CIC: variants seen among roughly 807,000 people sequenced by gnomAD.
CIC encodes the protein capicua transcriptional repressor.
CIC carries 18 observed loss-of-function variants against 115.7 expected under a neutral mutation model. The ratio of observed to expected loss-of-function variants is 0.16; its 90% CI spans 0.11 to 0.23. CIC has a LOEUF of 0.23. Among genes scored for constraint, CIC ranks in the 10% least tolerant of loss-of-function variants. The pLI, the probability that CIC is intolerant of heterozygous loss-of-function variation, is 1.00. For synonymous variants in CIC, 1,076 were observed against 923.0 expected, an observed-to-expected ratio of 1.17 and a Z score of -3.01; for missense variants, 2,000 against 2,159.3, an observed-to-expected ratio of 0.93 and a Z score of 1.46.
chr19:42,270,822 G>A lies in CIC; in HGVS notation c.-10-952G>A, dbSNP rs2036756156. On this transcript the variant is annotated intron_variant, in intron 1 of 20. Transcript: ENST00000681038. This position sits in a 1 kb window ranked among gnomAD's most constrained non-coding sequence, Gnocchi z 4.1. ...GTAGCTCTGTGTCCCACTGTGTGATGACGTGTGCGTGCTTCTGTGCGTGTG... is the reference window on the plus strand; with the variant it reads ...GTAGCTCTGTGTCCCACTGTGTGATAACGTGTGCGTGCTTCTGTGCGTGTG... Among the ~76,000 whole-genome samples the A allele has an allele frequency of 6.6e-6, 1 of 152,154 alleles. No individual in the cohort carries two copies. Among genetic ancestry groups the A allele is most frequent in the Admixed American group, 6.5e-5 (1 of 15,282 alleles).
In CIC at chr19:42,291,043, A is replaced by T. The variant is rs967265703; in HGVS notation, c.5002A>T (p.Thr1668Ser). The change falls in exon 11 of 21, where the codon ACT becomes TCT. Residue 1668 changes from threonine (T) to serine (S), a missense_variant. Around this residue, in one of 8 missense-constraint regions of CIC, gnomAD observed 1,466 missense variants for 1,390.4 expected, o/e 1.05. Coordinates refer to ENST00000681038, the MANE Select transcript of CIC (RefSeq NM_001386298.1). Reference sequence around the variant, plus strand: ...GGGCACTGTGGGGAAGGCGCCTGCCACTGTCACTAACCTACTGGTGGGCAC... The same window carrying T: ...GGGCACTGTGGGGAAGGCGCCTGCCTCTGTCACTAACCTACTGGTGGGCAC... ...LLGTVGKAPA[T>S]VTNLLVGTPG... 1 of 1,613,906 alleles carries T rather than the reference A, an allele frequency of 6.2e-7. No homozygotes were observed. Among genetic ancestry groups the T allele is most frequent in the Non-Finnish European group, 8.5e-7 (1 of 1,179,958 alleles).
At position 42,291,069 on chromosome 19, in the gene CIC, C is replaced by G; in HGVS notation, c.5028C>G (p.Thr1676=). The G allele has an allele frequency of 6.2e-7, 1 of 1,613,852 alleles. No homozygotes were observed. The highest frequency in any genetic ancestry group is 8.5e-7 in the Non-Finnish European group (1 of 1,179,914). ...PATVTNLLVG[T]PGYGAPAPPA... is the part of the protein sequence containing the mutation. ...CTGTCACTAACCTACTGGTGGGCAC[C>G]CCGGGGTATGGGGCCCCTGCGCCCC... is the stretch of plus-strand genomic sequence containing the variant. Residue 1676 remains threonine, a synonymous_variant, in exon 11 of 21, where the codon ACC becomes ACG. Coordinates refer to ENST00000681038, the MANE Select transcript of CIC (RefSeq NM_001386298.1).
In CIC at chr19:42,289,944, GCAA is replaced by G. The variant is rs747492076; in HGVS notation, c.4188_4190del (p.Asn1396del). 1.9e-6 allele frequency: 3 copies of G among 1,603,142 alleles called. No homozygotes were observed. The African/African-American group carries it at 4.0e-5, about 21-fold the overall frequency. On this transcript the variant is annotated inframe_deletion, in exon 10 of 21. Coordinates refer to ENST00000681038, the MANE Select transcript of CIC (RefSeq NM_001386298.1). Reference sequence around the variant, plus strand: ...GACAGCTCTGGGGAGGACCCAGAGGGCAACAAGGTGAGGGCTTGGGTCACGGTG... The same window carrying G: ...GACAGCTCTGGGGAGGACCCAGAGGGCAAGGTGAGGGCTTGGGTCACGGTG...
rs1191499709 is a variant in CIC at position 42,280,370 on chromosome 19, T to G, written c.2794+5793T>G. On this transcript the variant is annotated intron_variant, in intron 2 of 20. Transcript: ENST00000681038. The surrounding 1 kb of genome is among the most constrained non-coding windows in gnomAD (Gnocchi z 4.9). ...GAAACCGGGTGCTCCGGGGGCTGTG[T>G]AGAAGCGGACTGGCACCCAGCGAGG... Among the ~76,000 whole-genome samples, 1 of 152,096 alleles carries G rather than the reference T, an allele frequency of 6.6e-6. No individual in the cohort carries two copies. The highest frequency in any genetic ancestry group is 1.5e-5 in the Non-Finnish European group (1 of 67,976).
Position 42,290,763 on chromosome 19 carries a change from C to A in CIC, c.4722C>A (p.Ser1574=), listed in dbSNP as rs753437137. The A allele has an allele frequency of 6.2e-7, 1 of 1,612,116 alleles. No individual in the cohort carries two copies. Among genetic ancestry groups the A allele is most frequent in the Non-Finnish European group, 8.5e-7 (1 of 1,179,564 alleles). The change falls in exon 11 of 21, where the codon TCC becomes TCA. Residue 1574 remains serine, a synonymous_variant. Coordinates refer to ENST00000681038, the MANE Select transcript of CIC (RefSeq NM_001386298.1). ...LAYGAPAAPL[S]RPAATMVTNV... is the part of the protein sequence containing the mutation. Reference sequence around the variant, plus strand: ...ATGGGGCCCCAGCAGCTCCCCTGTCCCGTCCTGCCGCCACCATGGTCACCA... The same window carrying A: ...ATGGGGCCCCAGCAGCTCCCCTGTCACGTCCTGCCGCCACCATGGTCACCA...
chr19:42,291,989 C>A, intron 12 of CIC, 97 bp from the exon 13 acceptor site: 1 of 1,568,520 alleles, frequency 6.4e-7, no homozygotes, highest in South Asian at 1.1e-5. Context: ...TTCTGTGTTC[C>A]TTGCTTTTGC....
intron 19 of CIC, 27 bp downstream of exon 19, chr19:42,294,331 G>A (rs2147345899): frequency 1.9e-6 from 3 of 1,610,912 alleles, no homozygotes; most frequent in Non-Finnish European, 2.5e-6. Context: ...AACTTTGGGG[G>A]CCTGGGGACC....
In CIC at chr19:42,290,673, A is replaced by C; in HGVS notation, c.4632A>C (p.Pro1544=). ...TCCTGCAGACACTGGTGCTGCCCCC[A>C]AACAAGGAGGAGCAAGAGGGCGGCG... ...GNILQTLVLP[P]NKEEQEGGGA... The change falls in exon 11 of 21, where the codon CCA becomes CCC. Residue 1544 remains proline (P), a synonymous_variant. Transcript: ENST00000681038. The C allele has an allele frequency of 6.2e-7, 1 of 1,613,218 alleles. No homozygotes were observed. The highest frequency in any genetic ancestry group is 1.1e-5 in the South Asian group (1 of 91,082).
intron 2 of CIC, among the ~76,000 whole-genome samples, chr19:42,286,250 C>T (rs912040933): frequency 5.9e-5 from 9 of 152,152 alleles, no homozygotes; most frequent in African/African-American, 2.2e-4. Flanking sequence ...AGAGACCCCA[C>T]AGCCTGTGCA....
Position 42,291,130 on chromosome 19 carries a change from G to A in CIC, c.5089G>A (p.Gly1697Ser), listed in dbSNP as rs770192319. The A allele has an allele frequency of 2.5e-6, 4 of 1,608,910 alleles. No homozygotes were observed. Among genetic ancestry groups the A allele is most frequent in the Middle Eastern group, 1.7e-4 (1 of 6,020 alleles). ...GTTCATTGCCCAGGGGGCCCCTGGT[G>A]GTGGGACCACTGCGGGCTCAGGAGC... The part of the protein sequence containing the change: ...VQFIAQGAPG[G>S]GTTAGSGAGA... Residue 1697 changes from glycine to serine, a missense_variant, in exon 11 of 21, where the codon GGT becomes AGT. Gly to Ser is a moderately conservative substitution (Grantham distance 56, BLOSUM62 0). Transcript: ENST00000681038.
At chr19:42,284,836 CG>C (rs1306929994) in intron 2 of CIC, 1 of 1,345,692 alleles carries the variant, frequency 7.4e-7, no homozygotes, top group Non-Finnish European at 1.0e-6. Flanking sequence ...TGCGGAGTAA[CG>C]GTGGTGGGGG....
At chr19:42,293,506 G>T in intron 16 of CIC, 86 bp from the exon 17 acceptor site, 2 of 1,601,038 alleles carry the variant, frequency 1.2e-6, no homozygotes, top group Non-Finnish European at 1.7e-6. Context: ...TCTGCTGGGC[G>T]GGCTCAGATC....
Position 42,290,525 on chromosome 19 carries a change from A to G in CIC, c.4484A>G (p.Lys1495Arg). The G allele has an allele frequency of 6.2e-7, 1 of 1,613,322 alleles. No individual in the cohort carries two copies. Among genetic ancestry groups the G allele is most frequent in the Non-Finnish European group, 8.5e-7 (1 of 1,179,856 alleles). The change falls in exon 11 of 21, where the codon AAG (lysine) becomes AGG (arginine). Residue 1495 changes from lysine to arginine, a missense_variant. Lys to Arg is a conservative substitution (Grantham distance 26, BLOSUM62 2). Transcript: ENST00000681038. ...PGAGGPATPS[K>R]ATRFLPMDPA... ...GCTGGGGGTCCAGCGACACCTTCCA[A>G]GGCAACCCGGTTCCTCCCAATGGAT...
chr19:42,288,737 T>C (rs1335017997), intron 7 of CIC, 151 bp from the exon 8 acceptor site: 1 of 735,630 alleles, frequency 1.4e-6, no homozygotes, highest in Non-Finnish European at 2.4e-6. Flanking sequence ...GCTGGACTGG[T>C]GGTGGGTGGT....
Position 42,273,126 on chromosome 19 carries a change from G to C in CIC, c.1343G>C (p.Ser448Thr). The C allele has an allele frequency of 5.0e-6, 2 of 398,610 alleles. No individual in the cohort carries two copies. Among genetic ancestry groups the C allele is most frequent in the Non-Finnish European group, 8.8e-6 (2 of 226,026 alleles). The allele number at this position is 398,610 out of a possible 1,614,324, so 24.7% of individuals were successfully genotyped here. A position where few individuals can be genotyped will look rare whatever the true frequency, so the allele number is the denominator to read the frequency against. The change falls in exon 2 of 21, where the codon AGC becomes ACC. Residue 448 changes from serine (S) to threonine (T), a missense_variant. Around this residue, in one of 8 missense-constraint regions of CIC, gnomAD observed 222 missense variants for 247.7 expected, o/e 0.90. Coordinates refer to ENST00000681038, the MANE Select transcript of CIC (RefSeq NM_001386298.1). ...GEQPSPCQEG[S>T]QGGSRSSSVA... The stretch of plus-strand genomic sequence containing the variant: ...CAGCCCTCGCCCTGCCAGGAGGGGA[G>C]CCAGGGCGGCAGCCGCAGCAGCAGC...
chr19:42,287,125 C>T lies in CIC; in HGVS notation c.3064C>T (p.Pro1022Ser), dbSNP rs766800303. Residue 1022 changes from proline (P) to serine (S), a missense_variant, in exon 4 of 21, where the codon CCT becomes TCT. Pro to Ser is a moderately conservative substitution (Grantham distance 74, BLOSUM62 -1). Transcript: ENST00000681038. The surrounding 1 kb of genome is among the most constrained non-coding windows in gnomAD (Gnocchi z 8.7). ...PESPGPGPPH[P>S]LGVVESGKGP... ...GAGCCCAGGACCCGGACCCCCACAC[C>T]CTTTGGGGGTGGTGGAATCTGGTAA... is the stretch of plus-strand genomic sequence containing the variant. 1.6e-5 allele frequency: 26 copies of T among 1,613,398 alleles called. 1 individual carries two copies. Among genetic ancestry groups the T allele is most frequent in the South Asian group, 5.5e-5 (5 of 91,078 alleles).
rs1200020441 is a variant in CIC at position 42,281,934 on chromosome 19, G to C, written c.2795-4837G>C. Among the ~76,000 whole-genome samples the C allele has an allele frequency of 2.6e-5, 4 of 152,208 alleles. No individual in the cohort carries two copies. The East Asian group carries it at 7.7e-4, about 29-fold the overall frequency. On this transcript the variant is annotated intron_variant, in intron 2 of 20. Transcript: ENST00000681038. ...GGGATCTGGGGGGCAGAGCTCCTCT[G>C]AGCTCTGTCCTTGGACTGCATTGCA...
rs758210343 is a variant in CIC, at chr19:42,292,522, C to T, written c.5903-44C>T. 3.0e-5 allele frequency: 48 copies of T among 1,611,686 alleles called. 1 individual carries two copies. Among genetic ancestry groups the T allele is most frequent in the Non-Finnish European group, 3.6e-5 (43 of 1,179,536 alleles). On this transcript the variant is annotated intron_variant, in intron 14 of 20. Transcript: ENST00000681038. The stretch of plus-strand genomic sequence containing the variant: ...GACCCAGGGTGGGGCTGAGGCAGTC[C>T]GGGCCCTAACTTGGTCTCCTGCTTC...
intron 2 of CIC, among the ~76,000 whole-genome samples, chr19:42,281,133 G>GGGGTGGGT (rs1039151650): frequency 6.6e-6 from 1 of 151,658 alleles, no homozygotes; most frequent in African/African-American, 2.4e-5. Context: ...GACGCCGCCC[G>GGGGTGGGT]GGGTGGGTGG....
Sources: allele counts gnomAD v4.1 joint callset (sites outside exome capture counted in the v4.1 genomes callset), GRCh38; gene constraint gnomAD v4.1.1; regional missense constraint gnomAD v4.1.1; non-coding constraint Gnocchi (gnomAD v3.1); transcripts MANE v1.5; gene names NCBI Gene and HGNC (gene_info 2026-07-23, HGNC 2026-07-21).